Variants in PLCB1 observed in about 807,000 individuals in gnomAD.
PLCB1 encodes phospholipase C beta 1, also known as 1-phosphatidylinositol 4,5-bisphosphate phosphodiesterase beta-1.
Under a neutral mutation model 161.8 loss-of-function variants are expected in PLCB1, and 46 were observed. The observed-to-expected ratio is 0.28, with a 90% CI of 0.22 to 0.36. The LOEUF is 0.36. PLCB1 is among the 10% of genes least tolerant of loss of function. PLCB1 has a pLI of 1.00. For synonymous variants in PLCB1, 517 were observed against 503.7 expected, an observed-to-expected ratio of 1.03 and a Z score of -0.35; for missense variants, 1,016 against 1,472.5, an observed-to-expected ratio of 0.69 and a Z score of 5.07.
At chr20:8,187,282 T>C (rs2051915741) in intron 2 of PLCB1, among the ~76,000 whole-genome samples, 1 of 152,072 alleles carries the variant, frequency 6.6e-6, no homozygotes, top group African/African-American at 2.4e-5. Flanking sequence ...CCTCCCCCAG[T>C]CCCACCCTTT....
intron 2 of PLCB1, among the ~76,000 whole-genome samples, chr20:8,340,485 C>G (rs162224): frequency 0.97 from 146,918 of 151,988 alleles, 71,073 homozygotes; most frequent in East Asian, 1. Flanking sequence ...TGCAGTGGCG[C>G]GATCTCGGCT....
At chr20:8,587,789 T>G (rs966071420) in intron 3 of PLCB1, among the ~76,000 whole-genome samples, 1 of 152,186 alleles carries the variant, frequency 6.6e-6, no homozygotes, top group Non-Finnish European at 1.5e-5. Flanking sequence ...ACAAGTAGCA[T>G]ATGAGGTAAG....
chr20:8,454,653 G>C (rs1047339006), intron 3 of PLCB1, among the ~76,000 whole-genome samples: 1 of 152,132 alleles, frequency 6.6e-6, no homozygotes, highest in Admixed American at 6.5e-5. Flanking sequence ...CCACTCTTAC[G>C]TCTGTAATGC....
intron 3 of PLCB1, among the ~76,000 whole-genome samples, chr20:8,530,706 T>C (rs1486348691): frequency 1.3e-5 from 2 of 152,134 alleles, no homozygotes; most frequent in East Asian, 1.9e-4. Context: ...TATATGTCTT[T>C]ACTGTTGGCC....
Position 8,201,906 on chromosome 20 carries a change from A to G in PLCB1, c.177+51535A>G, listed in dbSNP as rs1206073069. 7.2e-5 allele frequency among the ~76,000 whole-genome samples: 11 copies of G among 152,320 alleles called. 1 individual carries two copies. The South Asian group carries it at 1.7e-3, about 23-fold the overall frequency. ...TTACCTACAACATGAATGAAGAAGT[A>G]TAGAGTTATTGCCTGTGTTGGGTTT... On this transcript the variant is annotated intron_variant, in intron 2 of 31. Transcript: ENST00000338037.
At chr20:8,772,027 A>G (rs887501150) in intron 26 of PLCB1, among the ~76,000 whole-genome samples, 3 of 149,196 alleles carry the variant, frequency 2.0e-5, no homozygotes, top group East Asian at 2.0e-4. Context: ...AACTAGTCGC[A>G]TGCCACTAGG....
In PLCB1 at chr20:8,809,742, C is replaced by CT. The variant is rs1221225087; in HGVS notation, c.3423+19489dup. 3.3e-5 allele frequency among the ~76,000 whole-genome samples: 5 copies of CT among 151,766 alleles called. No individual in the cohort carries two copies. In the South Asian group the frequency reaches 6.2e-4, roughly 19 times the overall value. On this transcript the variant is annotated intron_variant, in intron 31 of 31. Coordinates refer to ENST00000338037, the MANE Select transcript of PLCB1 (RefSeq NM_015192.4). ...CTGAAATAAATTACCTTCTTTAAAG[C>CT]TTTTTTTTCTGTTTCCTCCATTAGA... is the stretch of plus-strand genomic sequence containing the variant.
chr20:8,763,761 A>C (rs1439563552), intron 25 of PLCB1, among the ~76,000 whole-genome samples: 2 of 151,670 alleles, frequency 1.3e-5, no homozygotes, highest in Non-Finnish European at 2.9e-5. Context: ...ACCTCAGGTG[A>C]TCCTGCCTCG....
chr20:8,603,359 C>T (rs1161177542), intron 3 of PLCB1, among the ~76,000 whole-genome samples: 2 of 152,186 alleles, frequency 1.3e-5, no homozygotes, highest in East Asian at 1.9e-4. Context: ...CATCCAAAAT[C>T]GGGTTAACAT....
At chr20:8,682,573 C>T (rs1407209091) in intron 9 of PLCB1, among the ~76,000 whole-genome samples, 1 of 152,128 alleles carries the variant, frequency 6.6e-6, no homozygotes, top group Non-Finnish European at 1.5e-5. Context: ...CATCGGTCAC[C>T]TTGAGAAATG....
At chr20:8,338,434 T>G (rs1282608854) in intron 2 of PLCB1, among the ~76,000 whole-genome samples, 1 of 152,198 alleles carries the variant, frequency 6.6e-6, no homozygotes, top group Admixed American at 6.5e-5. Context: ...AAGATAATTG[T>G]TAAATAGAAA....
chr20:8,420,056 A>G (rs1236283265), intron 3 of PLCB1, among the ~76,000 whole-genome samples: 1 of 152,212 alleles, frequency 6.6e-6, no homozygotes, highest in Non-Finnish European at 1.5e-5. Flanking sequence ...AATGGAGCTG[A>G]TTCTTGATAG....
intron 1 of PLCB1, among the ~76,000 whole-genome samples, chr20:8,140,419 T>C (rs2051390767): frequency 6.6e-6 from 1 of 152,208 alleles, no homozygotes; most frequent in Admixed American, 6.5e-5. Flanking sequence ...ATCATCTAAG[T>C]ATCCTACATA....
At chr20:8,799,546 C>T (rs1175701122) in intron 31 of PLCB1, among the ~76,000 whole-genome samples, 1 of 151,998 alleles carries the variant, frequency 6.6e-6, no homozygotes, top group Non-Finnish European at 1.5e-5. Flanking sequence ...TTGATATAAC[C>T]AGGATAGTGA....
chr20:8,802,140 GCT>G, intron 31 of PLCB1: 2 of 1,611,136 alleles, frequency 1.2e-6, no homozygotes, highest in Non-Finnish European at 1.7e-6. Flanking sequence ...CAACCCTCAA[GCT>G]CTCAAGTGGT....
At chr20:8,311,985 C>G (rs1247492881) in intron 2 of PLCB1, among the ~76,000 whole-genome samples, 1 of 152,186 alleles carries the variant, frequency 6.6e-6, no homozygotes, top group Admixed American at 6.5e-5. Context: ...GTCCCCTCTT[C>G]CCTCTCACTG....
At chr20:8,545,620 A>G (rs1270034607) in intron 3 of PLCB1, among the ~76,000 whole-genome samples, 4 of 152,236 alleles carry the variant, frequency 2.6e-5, no homozygotes, top group African/African-American at 4.8e-5. Flanking sequence ...CATTGTATCA[A>G]AAAATTGGCT....
intron 12 of PLCB1, among the ~76,000 whole-genome samples, chr20:8,713,501 G>A (rs962714275): frequency 2.0e-5 from 3 of 152,092 alleles, no homozygotes; most frequent in African/African-American, 7.2e-5. Context: ...GGTTCTAAAC[G>A]TCTACATTAG....
intron 2 of PLCB1, among the ~76,000 whole-genome samples, chr20:8,354,541 A>G (rs1986297072): frequency 6.6e-6 from 1 of 152,202 alleles, no homozygotes; most frequent in Non-Finnish European, 1.5e-5. Flanking sequence ...TTACAACACA[A>G]GGCAAGAAAT....
Sources: gnomAD v4.1 joint callset for allele counts (sites outside exome capture counted in the v4.1 genomes callset) on GRCh38, gnomAD v4.1.1 for gene constraint, MANE v1.5 for transcripts, NCBI Gene and HGNC (gene_info 2026-07-23, HGNC 2026-07-21) for gene names.